ZFHX3: variants seen among roughly 807,000 people sequenced by gnomAD.
ZFHX3 encodes the protein zinc finger homeobox protein 3.
In ZFHX3, 42 loss-of-function variants were observed where a neutral mutation model predicts 279.1. The ratio of observed to expected loss-of-function variants is 0.15; its 90% confidence interval spans 0.12 to 0.19. The LOEUF (loss-of-function observed/expected upper bound fraction) is 0.19, where lower values mean the gene tolerates loss of function less well. Among genes scored for constraint, ZFHX3 ranks in the 10% least tolerant of loss-of-function variants. The pLI is 1.00. For synonymous variants in ZFHX3, 2,293 were observed against 1,957.8 expected, an observed-to-expected ratio of 1.17 and a Z score of -4.52; for missense variants, 4,981 against 4,754.0, an observed-to-expected ratio of 1.05 and a Z score of -1.40.
intron 2 of ZFHX3, among the ~76,000 whole-genome samples, chr16:73,646,608 A>G (rs1235224996): frequency 6.6e-6 from 1 of 152,198 alleles, no homozygotes; most frequent in Admixed American, 6.5e-5. Flanking sequence ...GGAAATAGAA[A>G]AGGCACTTAT....
At chr16:73,160,233 C>T (rs868522745) in intron 5 of ZFHX3, among the ~76,000 whole-genome samples, 4 of 152,164 alleles carry the variant, frequency 2.6e-5, no homozygotes, top group African/African-American at 9.7e-5. Context: ...GACACATGTA[C>T]CCTTCTGATG....
intron 4 of ZFHX3, among the ~76,000 whole-genome samples, chr16:72,859,682 G>A (rs76486715): frequency 0.015 from 2,334 of 152,298 alleles, 27 homozygotes; most frequent in Middle Eastern, 0.031. Flanking sequence ...AAAATTCAGC[G>A]CAGAAACGAG....
intron 1 of ZFHX3, among the ~76,000 whole-genome samples, chr16:73,872,126 A>G (rs1368180133): frequency 1.3e-5 from 2 of 152,218 alleles, no homozygotes; most frequent in Non-Finnish European, 2.9e-5. Context: ...TCGAAAGCCA[A>G]TAGGCATTCC....
intron 7 of ZFHX3, among the ~76,000 whole-genome samples, chr16:72,808,878 AT>A (rs1398886830): frequency 1.3e-5 from 2 of 152,226 alleles, no homozygotes; most frequent in African/African-American, 4.8e-5. Flanking sequence ...GTTATCAAAC[AT>A]TGGTATGCAA....
intron 4 of ZFHX3, among the ~76,000 whole-genome samples, chr16:72,862,540 A>G (rs2143903461): frequency 6.6e-6 from 1 of 152,366 alleles, no homozygotes; most frequent in East Asian, 1.9e-4. Flanking sequence ...AATAAATAGG[A>G]GATTTGGGCA....
chr16:73,290,690 G>A (rs1011384256), intron 4 of ZFHX3, among the ~76,000 whole-genome samples: 5 of 152,178 alleles, frequency 3.3e-5, no homozygotes, highest in African/African-American at 4.8e-5. Flanking sequence ...TTCACTGGGA[G>A]CCTGCTCTCT....
chr16:73,156,922 C>T (rs1026986041), intron 5 of ZFHX3, among the ~76,000 whole-genome samples: 5 of 152,188 alleles, frequency 3.3e-5, no homozygotes, highest in African/African-American at 1.2e-4. Context: ...CCATGTTGGC[C>T]AGGATGGTCT....
intron 1 of ZFHX3, among the ~76,000 whole-genome samples, chr16:73,020,071 C>T (rs947660081): frequency 2.6e-5 from 4 of 152,128 alleles, no homozygotes; most frequent in Non-Finnish European, 5.9e-5. Flanking sequence ...ACAGATCCTT[C>T]ACATTCTTGG....
At chr16:73,785,405 C>T (rs1483453244) in intron 1 of ZFHX3, among the ~76,000 whole-genome samples, 2 of 152,078 alleles carry the variant, frequency 1.3e-5, no homozygotes, top group African/African-American at 4.8e-5. Context: ...CTTATATATC[C>T]TAGTCATTTT....
intron 5 of ZFHX3, among the ~76,000 whole-genome samples, chr16:73,162,323 C>T (rs1238775185): frequency 6.6e-6 from 1 of 152,216 alleles, no homozygotes; most frequent in African/African-American, 2.4e-5. Flanking sequence ...CTAGGTTGCA[C>T]ACTCTTCATG....
rs537168407 is a variant in ZFHX3, at chr16:73,337,488, T to C, written c.-1290-19152A>G. On this transcript the variant is annotated intron_variant, in intron 3 of 17. Transcript: ENST00000641206. ...CAGGCTACTGTTCTCCAAAGCCTCCTTTGAGGCACATCCCATCACACTGTG... is the reference window on the plus strand; with the variant it reads ...CAGGCTACTGTTCTCCAAAGCCTCCCTTGAGGCACATCCCATCACACTGTG... 1.7e-4 allele frequency among the ~76,000 whole-genome samples: 26 copies of C among 152,268 alleles called. No homozygotes were observed. The South Asian group carries it at 3.7e-3, about 22-fold the overall frequency.
chr16:73,468,254 G>C (rs1392221359), intron 2 of ZFHX3, among the ~76,000 whole-genome samples: 3 of 152,104 alleles, frequency 2.0e-5, no homozygotes, highest in Non-Finnish European at 4.4e-5. Flanking sequence ...TCCTGGCCCA[G>C]GATGACTGTC....
intron 2 of ZFHX3, among the ~76,000 whole-genome samples, chr16:73,527,236 G>A (rs2019711470): frequency 6.6e-6 from 1 of 152,156 alleles, no homozygotes; most frequent in Non-Finnish European, 1.5e-5. Flanking sequence ...AGGTGGTGAA[G>A]GTAGGAGGCT....
chr16:73,617,270 C>G (rs1194305306), intron 2 of ZFHX3, among the ~76,000 whole-genome samples: 1 of 152,160 alleles, frequency 6.6e-6, no homozygotes, highest in Non-Finnish European at 1.5e-5. Flanking sequence ...CGGTGGCTGA[C>G]TTCTGATCAA....
chr16:73,556,990 G>A (rs1324984192), intron 2 of ZFHX3, among the ~76,000 whole-genome samples: 1 of 151,016 alleles, frequency 6.6e-6, no homozygotes, highest in South Asian at 2.1e-4. Context: ...AGCTACTCAG[G>A]AGGCTGAGGC....
intron 6 of ZFHX3, among the ~76,000 whole-genome samples, chr16:73,135,675 A>T (rs1409119000): frequency 6.6e-6 from 1 of 152,170 alleles, no homozygotes; most frequent in Non-Finnish European, 1.5e-5. Flanking sequence ...CCAACAATCA[A>T]AATTTGAGAT....
intron 2 of ZFHX3, among the ~76,000 whole-genome samples, chr16:73,546,851 A>G (rs1390967836): frequency 2.6e-5 from 4 of 152,054 alleles, no homozygotes; most frequent in African/African-American, 7.2e-5. Context: ...CAGAGCAGAG[A>G]CTGTGATTCA....
chr16:73,145,889 T>C lies in ZFHX3; in HGVS notation c.-1103-2058A>G, dbSNP rs1453815934. 2.0e-5 allele frequency among the ~76,000 whole-genome samples: 3 copies of C among 152,134 alleles called. No homozygotes were observed. In the East Asian group the frequency reaches 5.8e-4, roughly 29 times the overall value. ...TTCAGCGAACATAAAAAGAAGGCAA[T>C]CAATGTGTTCTGGAAGAGATTTAGT... On this transcript the variant is annotated intron_variant, in intron 5 of 17. Transcript: ENST00000641206.
chr16:73,012,202 A>G (rs1235373751), intron 1 of ZFHX3, among the ~76,000 whole-genome samples: 1 of 152,204 alleles, frequency 6.6e-6, no homozygotes, highest in African/African-American at 2.4e-5. Flanking sequence ...GGTACAACTA[A>G]CGGGCAGACA....
Sources: gnomAD v4.1 joint callset for allele counts (sites outside exome capture counted in the v4.1 genomes callset) on GRCh38, gnomAD v4.1.1 for gene constraint, MANE v1.5 for transcripts, NCBI Gene and HGNC (gene_info 2026-07-23, HGNC 2026-07-21) for gene names.